PKHD1: variants seen among roughly 807,000 people sequenced by gnomAD.
The protein encoded by PKHD1 is PKHD1 ciliary IPT domain containing fibrocystin/polyductin.
Under a neutral mutation model 412.0 loss-of-function variants are expected in PKHD1, and 291 were observed. The observed-to-expected ratio is 0.71, with a 90% CI of 0.64 to 0.78. The LOEUF (loss-of-function observed/expected upper bound fraction) is 0.78, where lower values mean the gene tolerates loss of function less well. PKHD1 is among the 30% of genes least tolerant of loss of function. The pLI is 0.00. For synonymous variants in PKHD1, 1,777 were observed against 1,821.5 expected (o/e 0.98, Z 0.62); for missense variants, 4,825 against 4,950.7 (o/e 0.97, Z 0.76).
At chr6:51,888,571 A>G (rs748808466) in intron 43 of PKHD1, among the ~76,000 whole-genome samples, 4 of 151,950 alleles carry the variant, frequency 2.6e-5, no homozygotes, top group Non-Finnish European at 5.9e-5. Context: ...ATTCCTGTGA[A>G]GTAGCCACAG....
chr6:51,793,718 G>A (rs1794118641), intron 52 of PKHD1, among the ~76,000 whole-genome samples: 1 of 152,104 alleles, frequency 6.6e-6, no homozygotes, highest in African/African-American at 2.4e-5. Context: ...CCTTTTTATG[G>A]CTGCATAGTA....
At chr6:51,707,165 T>G (rs1420583707) in intron 60 of PKHD1, among the ~76,000 whole-genome samples, 1 of 152,096 alleles carries the variant, frequency 6.6e-6, no homozygotes, top group African/African-American at 2.4e-5. Context: ...TGCTGGGGAG[T>G]GATTTCCAAA....
At chr6:51,893,428 C>T (rs528413028) in intron 43 of PKHD1, among the ~76,000 whole-genome samples, 1 of 152,332 alleles carries the variant, frequency 6.6e-6, no homozygotes, top group Admixed American at 6.5e-5. Context: ...GGGCAGGAGA[C>T]TGCAACTTTG....
At position 51,979,922 on chromosome 6, in the gene PKHD1, G is replaced by T. The variant is rs76119885; in HGVS notation, c.5752-19896C>A. On this transcript the variant is annotated intron_variant, in intron 35 of 66. Transcript: ENST00000371117. ...CTCCAGAATGATCTTCTTGGACCCT[G>T]GAGAAGCTATCTTCTCTCAGTGCTG... 1.7e-4 allele frequency among the ~76,000 whole-genome samples: 26 copies of T among 152,244 alleles called. No homozygotes were observed. In the East Asian group the frequency reaches 4.2e-3, roughly 25 times the overall value.
intron 60 of PKHD1, among the ~76,000 whole-genome samples, chr6:51,671,347 T>C (rs1425476894): frequency 6.6e-6 from 1 of 152,238 alleles, no homozygotes; most frequent in African/African-American, 2.4e-5. Flanking sequence ...CATCAGCTCC[T>C]GAGGGTTCCG....
intron 35 of PKHD1, among the ~76,000 whole-genome samples, chr6:51,966,856 A>C (rs1196068141): frequency 6.6e-6 from 1 of 151,934 alleles, no homozygotes; most frequent in African/African-American, 2.4e-5. Context: ...AGGAAGAGCT[A>C]TTTGATATGG....
At chr6:51,857,269 C>T (rs184439857) in intron 48 of PKHD1, among the ~76,000 whole-genome samples, 1 of 151,892 alleles carries the variant, frequency 6.6e-6, no homozygotes, top group Admixed American at 6.6e-5. Flanking sequence ...GTTTAGTTTT[C>T]ATGAGAATCT....
chr6:52,028,061 A>G, intron 30 of PKHD1, 95 bp downstream of exon 30: 1 of 1,347,982 alleles, frequency 7.4e-7, no homozygotes, highest in South Asian at 1.2e-5. Context: ...CTAACTTCCA[A>G]GGGAAAAAGA....
At chr6:51,853,771 C>T (rs936632633) in intron 49 of PKHD1, among the ~76,000 whole-genome samples, 9 of 152,146 alleles carry the variant, frequency 5.9e-5, no homozygotes, top group African/African-American at 1.9e-4. Flanking sequence ...TCCATCAGGT[C>T]GTTTATATTC....
chr6:52,017,680 C>T lies in PKHD1; in HGVS notation c.5381-51G>A. 4 of 1,387,488 alleles carry T rather than the reference C, an allele frequency of 2.9e-6. No homozygotes were observed. In the South Asian group the frequency reaches 4.6e-5, roughly 16 times the overall value. 85.9% of individuals were successfully genotyped at this position (1,387,488 alleles called of 1,614,324 possible). ...AAGAACCACAGAGAGAACCTAAGGC[C>T]TCTAGTCGGTTTCACAAATGAAGTT... is the stretch of plus-strand genomic sequence containing the variant. On this transcript the variant is annotated intron_variant, in intron 33 of 66. Coordinates refer to ENST00000371117, the MANE Select transcript of PKHD1 (RefSeq NM_138694.4).
rs921590853 is a variant in PKHD1, at chr6:51,847,965, T to A, written c.7917A>T (p.Ser2639=). ...NLWINRSLQY[S]ATFDNFAPGN... ...CAGGAGCAAAGTTGTCAAAGGTTGC[T>A]GAGTACTTGAAGTGAAAGAAAAACA... The change falls in exon 50 of 67, where the codon TCA becomes TCT. Residue 2639 remains serine (S), a synonymous_variant. Transcript: ENST00000371117. 4 of 1,612,658 alleles carry A rather than the reference T, an allele frequency of 2.5e-6. No individual in the cohort carries two copies. The highest frequency in any genetic ancestry group is 3.4e-6 in the Non-Finnish European group (4 of 1,178,736).
intron 35 of PKHD1, among the ~76,000 whole-genome samples, chr6:51,985,795 A>G (rs1009620258): frequency 7.2e-5 from 11 of 152,194 alleles, no homozygotes; most frequent in African/African-American, 2.7e-4. Flanking sequence ...CTTTTAAAAT[A>G]GAAAGGTTTC....
chr6:51,918,973 T>A (rs1187510109), intron 37 of PKHD1, among the ~76,000 whole-genome samples: 1 of 152,206 alleles, frequency 6.6e-6, no homozygotes. Context: ...CACTTTTTGA[T>A]GGGGTTGTTT....
At chr6:52,036,807 CTT>C in intron 27 of PKHD1, among the ~76,000 whole-genome samples, 1 of 152,180 alleles carries the variant, frequency 6.6e-6, no homozygotes, top group African/African-American at 2.4e-5. Flanking sequence ...TGGATTAAAA[CTT>C]ACATAAGAAA....
intron 15 of PKHD1, among the ~76,000 whole-genome samples, chr6:52,059,536 A>G (rs979217436): frequency 2.6e-5 from 4 of 152,060 alleles, no homozygotes; most frequent in Admixed American, 6.5e-5. Flanking sequence ...GGAATGAGCC[A>G]CCACACCTGG....
intron 60 of PKHD1, among the ~76,000 whole-genome samples, chr6:51,738,324 C>T (rs1250241902): frequency 1.3e-5 from 2 of 152,160 alleles, no homozygotes; most frequent in African/African-American, 4.8e-5. Context: ...CTGTGGTTAA[C>T]AGAGACAGGG....
Position 51,888,469 on chromosome 6 carries a change from G to T in PKHD1, c.6997-1224C>A, listed in dbSNP as rs554221342. ...ACTGTACACAGATGTATTTTTTTTT[G>T]GCCTACCCAATGTTCATATTTTTTT... On this transcript the variant is annotated intron_variant, in intron 43 of 66. Transcript: ENST00000371117. Among the ~76,000 whole-genome samples the T allele has an allele frequency of 4.0e-3, 603 of 149,772 alleles. 5 individuals carry two copies. The highest frequency in any genetic ancestry group is 0.014 in the African/African-American group (565 of 40,408).
At chr6:51,968,974 G>A (rs1793254534) in intron 35 of PKHD1, among the ~76,000 whole-genome samples, 1 of 152,132 alleles carries the variant, frequency 6.6e-6, no homozygotes, top group African/African-American at 2.4e-5. Context: ...AATATGATGG[G>A]CTATCACTCC....
intron 8 of PKHD1, among the ~76,000 whole-genome samples, chr6:52,071,814 T>C (rs1810652787): frequency 6.6e-6 from 1 of 152,130 alleles, no homozygotes; most frequent in Non-Finnish European, 1.5e-5. Flanking sequence ...ACTCCCAAGA[T>C]TATTGGGTGA....
Sources: allele counts gnomAD v4.1 joint callset (sites outside exome capture counted in the v4.1 genomes callset), GRCh38; gene constraint gnomAD v4.1.1; transcripts MANE v1.5; gene names NCBI Gene and HGNC (gene_info 2026-07-23, HGNC 2026-07-21).